RAD21L1: variants seen among roughly 807,000 people sequenced by gnomAD.
RAD21L1 encodes the protein RAD21 cohesin complex component like 1.
RAD21L1 carries 47 observed loss-of-function variants against 69.0 expected under a neutral mutation model. That is an observed-to-expected ratio of 0.68 (90% confidence interval 0.54 to 0.87). RAD21L1 has a LOEUF of 0.87. RAD21L1 is among the 40% of genes least tolerant of loss of function. RAD21L1 has a pLI of 0.00. For synonymous variants in RAD21L1, 177 were observed against 205.8 expected (o/e 0.86, Z 1.20); for missense variants, 583 against 647.6 (o/e 0.90, Z 1.08).
Position 1,254,451 on chromosome 20 carries a change from C to A in RAD21L1, c.1662C>A (p.Asn554Lys). The change falls in exon 14 of 14, where the codon AAC (asparagine) becomes AAA (lysine). Residue 554 changes from asparagine (N) to lysine (K), a missense_variant. Coordinates refer to ENST00000683101, the MANE Select transcript of RAD21L1 (RefSeq NM_001384355.1). ...CTACGATGGGACCAATGTTTTATAACATATGAAGGAAACCCAGACATACAG... is the reference window on the plus strand; with the variant it reads ...CTACGATGGGACCAATGTTTTATAAAATATGAAGGAAACCCAGACATACAG... ...IIATMGPMFY[N>K]I 6.6e-7 allele frequency: 1 copy of A among 1,512,080 alleles called. No individual in the cohort carries two copies. Among genetic ancestry groups the A allele is most frequent in the Non-Finnish European group, 8.9e-7 (1 of 1,123,546 alleles). 93.7% of individuals were successfully genotyped at this position (1,512,080 alleles called of 1,614,324 possible). A position where few individuals can be genotyped will look rare whatever the true frequency, so the allele number is the denominator to read the frequency against.
chr20:1,243,075 A>C (rs753153239), intron 9 of RAD21L1, 22 bp from the exon 10 acceptor site: 99 of 1,450,296 alleles, frequency 6.8e-5, no homozygotes, highest in Non-Finnish European at 6.1e-5. Context: ...AACAAAAAAA[A>C]CAAAAATGTG....
chr20:1,234,533 A>G (rs544598694), intron 5 of RAD21L1, among the ~76,000 whole-genome samples: 7 of 152,342 alleles, frequency 4.6e-5, no homozygotes, highest in Admixed American at 4.6e-4. Context: ...AAGATGGTCA[A>G]CATACATACA....
chr20:1,243,814 G>A (rs1272387068), intron 10 of RAD21L1, among the ~76,000 whole-genome samples: 1 of 152,204 alleles, frequency 6.6e-6, no homozygotes, highest in Admixed American at 6.6e-5. Context: ...GTGAGAGCGT[G>A]TGTAGAGGAG....
intron 13 of RAD21L1, among the ~76,000 whole-genome samples, chr20:1,253,706 T>G (rs1250411917): frequency 6.6e-6 from 1 of 152,272 alleles, no homozygotes; most frequent in African/African-American, 2.4e-5. Context: ...AATACTTTAT[T>G]GTACCTCAGT....
At chr20:1,228,711 T>A in intron 2 of RAD21L1, 114 bp downstream of exon 2, 2 of 768,458 alleles carry the variant, frequency 2.6e-6, no homozygotes, top group Non-Finnish European at 4.0e-6. Context: ...ACTTGTCAAA[T>A]GGTCTTTCCT....
At chr20:1,251,389 A>C in intron 13 of RAD21L1, among the ~76,000 whole-genome samples, 1 of 135,264 alleles carries the variant, frequency 7.4e-6, no homozygotes, top group Admixed American at 7.4e-5. Flanking sequence ...TTTTCCACTT[A>C]TTGTCTTTAC....
intron 1 of RAD21L1, among the ~76,000 whole-genome samples, chr20:1,228,066 T>C (rs2087301733): frequency 6.6e-6 from 1 of 152,212 alleles, no homozygotes; most frequent in Non-Finnish European, 1.5e-5. Context: ...CCTATTCTTG[T>C]TTCTTATTTC....
At chr20:1,252,908 T>C (rs2087863857) in intron 13 of RAD21L1, among the ~76,000 whole-genome samples, 1 of 152,220 alleles carries the variant, frequency 6.6e-6, no homozygotes, top group Non-Finnish European at 1.5e-5. Context: ...TTTCTTCCTT[T>C]ACCTTCATTT....
intron 10 of RAD21L1, 149 bp downstream of exon 10, chr20:1,243,345 T>TTAC: frequency 1.9e-6 from 1 of 528,166 alleles, no homozygotes; most frequent in Non-Finnish European, 3.4e-6. Context: ...TAAATGAAAT[T>TTAC]ATTACCTCGG....
chr20:1,240,605 G>T (rs990327981), intron 8 of RAD21L1, among the ~76,000 whole-genome samples, 171 bp downstream of exon 8: 1 of 152,150 alleles, frequency 6.6e-6, no homozygotes, highest in South Asian at 2.1e-4. Context: ...TCCTTTTGAG[G>T]TAGGAAGCGG....
intron 13 of RAD21L1, among the ~76,000 whole-genome samples, chr20:1,252,957 G>A (rs1301514538): frequency 6.6e-6 from 1 of 152,136 alleles, no homozygotes; most frequent in Non-Finnish European, 1.5e-5. Flanking sequence ...AAACGCTTAT[G>A]TTTAATCTTG....
At chr20:1,251,016 G>A (rs1394743640) in intron 13 of RAD21L1, among the ~76,000 whole-genome samples, 2 of 152,080 alleles carry the variant, frequency 1.3e-5, no homozygotes, top group African/African-American at 4.8e-5. Context: ...TATTTCCTCT[G>A]TGGTTTTGGG....
chr20:1,247,028 A>C (rs1337712010), intron 12 of RAD21L1, among the ~76,000 whole-genome samples: 2 of 152,206 alleles, frequency 1.3e-5, no homozygotes, highest in Non-Finnish European at 2.9e-5. Context: ...TTTTTCATAC[A>C]AGGAAAAGAG....
chr20:1,242,700 A>G lies in RAD21L1; in HGVS notation c.938A>G (p.Lys313Arg), dbSNP rs1308464500. 2 of 1,551,662 alleles carry G rather than the reference A, an allele frequency of 1.3e-6. No individual in the cohort carries two copies. The highest frequency in any genetic ancestry group is 1.4e-5 in the African/African-American group (1 of 73,166). Residue 313 changes from lysine to arginine, a missense_variant, in exon 9 of 14, where the codon AAA (lysine) becomes AGA (arginine). Lys to Arg is a conservative substitution (Grantham distance 26). Transcript: ENST00000683101. Reference protein sequence around the residue: ...IKELSSKVIHKQLTSFADTLM... With the variant: ...IKELSSKVIHRQLTSFADTLM... ...GAGCTCAGTAGCAAAGTTATACATAAACAGCTTACTTCCTTTGCGGACACA... is the reference window on the plus strand; with the variant it reads ...GAGCTCAGTAGCAAAGTTATACATAGACAGCTTACTTCCTTTGCGGACACA...
At chr20:1,250,314 T>G (rs1380456364) in intron 13 of RAD21L1, among the ~76,000 whole-genome samples, 2 of 151,774 alleles carry the variant, frequency 1.3e-5, no homozygotes, top group African/African-American at 4.8e-5. Flanking sequence ...GCAGGTTTGT[T>G]ACATATGTAT....
intron 3 of RAD21L1, chr20:1,230,584 A>G (rs2087368976): frequency 2.9e-6 from 1 of 341,298 alleles, no homozygotes; most frequent in South Asian, 1.2e-4. Context: ...TGCCTCTGTC[A>G]CTAGTCTTCA....
chr20:1,241,756 C>G (rs2087611207), intron 8 of RAD21L1, among the ~76,000 whole-genome samples: 1 of 152,160 alleles, frequency 6.6e-6, no homozygotes, highest in Non-Finnish European at 1.5e-5. Context: ...TGGGATTTTA[C>G]TGAGGCACAT....
intron 11 of RAD21L1, 86 bp downstream of exon 11, chr20:1,244,256 C>A: frequency 2.1e-6 from 2 of 937,578 alleles, no homozygotes; most frequent in South Asian, 2.2e-5. Flanking sequence ...TATTTTCTTA[C>A]ATTTGTGTAG....
chr20:1,241,319 C>G (rs148481316), intron 8 of RAD21L1, among the ~76,000 whole-genome samples: 1 of 152,290 alleles, frequency 6.6e-6, no homozygotes, highest in African/African-American at 2.4e-5. Context: ...AGGCGAATGC[C>G]TTCTAGCATT....
Sources: gnomAD v4.1 joint callset for allele counts (sites outside exome capture counted in the v4.1 genomes callset) on GRCh38, gnomAD v4.1.1 for gene constraint, MANE v1.5 for transcripts, NCBI Gene and HGNC (gene_info 2026-07-23, HGNC 2026-07-21) for gene names.